MAP3K20: variants seen among roughly 807,000 people sequenced by gnomAD.
The protein encoded by MAP3K20 is mitogen-activated protein kinase kinase kinase 20, also known as HCCS-4.
A neutral mutation model predicts 85.7 loss-of-function variants in MAP3K20; 40 were observed. That is an observed-to-expected ratio of 0.47 (90% CI 0.36 to 0.61). The LOEUF is 0.61. MAP3K20 is among the 20% of genes least tolerant of loss of function. MAP3K20 has a pLI of 0.00. For missense variants in MAP3K20, 817 were observed against 961.7 expected (o/e 0.85, Z 1.99); for synonymous variants, 325 against 327.7 (o/e 0.99, Z 0.09).
At chr2:173,108,584 A>T (rs757978427) in intron 2 of MAP3K20, among the ~76,000 whole-genome samples, 2 of 152,192 alleles carry the variant, frequency 1.3e-5, no homozygotes, top group African/African-American at 4.8e-5. Context: ...TTCCATGTAT[A>T]AGATTGGTAG....
chr2:173,137,929 C>G (rs1386075597), intron 2 of MAP3K20, among the ~76,000 whole-genome samples: 1 of 152,112 alleles, frequency 6.6e-6, no homozygotes, highest in Non-Finnish European at 1.5e-5. Context: ...AGGTAAGTAG[C>G]TTATTTGAAA....
At chr2:173,203,197 C>G (rs1045477555) in intron 8 of MAP3K20, among the ~76,000 whole-genome samples, 56 of 152,118 alleles carry the variant, frequency 3.7e-4, no homozygotes, top group African/African-American at 1.3e-3. Flanking sequence ...TGAGAAGCAC[C>G]ACTGTAGGAT....
At chr2:173,089,617 C>T (rs1359469486) in intron 1 of MAP3K20, among the ~76,000 whole-genome samples, 1 of 150,980 alleles carries the variant, frequency 6.6e-6, no homozygotes, top group Non-Finnish European at 1.5e-5. Context: ...GAGTCTCGCT[C>T]TGTTGCCCAG....
At chr2:173,241,081 C>T (rs1419968906) in intron 16 of MAP3K20, among the ~76,000 whole-genome samples, 1 of 152,112 alleles carries the variant, frequency 6.6e-6, no homozygotes, top group Non-Finnish European at 1.5e-5. Flanking sequence ...TTACCAGAGG[C>T]TTGGAAGCAT....
At chr2:173,119,727 T>C (rs754204155) in intron 2 of MAP3K20, among the ~76,000 whole-genome samples, 7 of 152,132 alleles carry the variant, frequency 4.6e-5, no homozygotes, top group African/African-American at 7.2e-5. Flanking sequence ...AATGAAACAG[T>C]TCTATTTTTT....
chr2:173,243,223 G>T (rs1485444312), intron 16 of MAP3K20, among the ~76,000 whole-genome samples: 1 of 152,148 alleles, frequency 6.6e-6, no homozygotes, highest in African/African-American at 2.4e-5. Context: ...ATGGTTCCAC[G>T]GGAGTTCACT....
rs951942153 is a variant in MAP3K20 at position 173,113,369 on chromosome 2, A to AT, written c.159+22188dup. 2.5e-4 allele frequency among the ~76,000 whole-genome samples: 38 copies of AT among 149,266 alleles called. No individual in the cohort carries two copies. In the East Asian group the frequency reaches 2.8e-3, roughly 11 times the overall value. On this transcript the variant is annotated intron_variant, in intron 2 of 19. Coordinates refer to ENST00000375213, the MANE Select transcript of MAP3K20 (RefSeq NM_016653.3). ...GCTTTTTGGTTCATTTATCTTTTGTATTTTTTTTTGTTTCAATTTCATTTG... is the reference window on the plus strand; with the variant it reads ...GCTTTTTGGTTCATTTATCTTTTGTATTTTTTTTTTGTTTCAATTTCATTTG...
intron 3 of MAP3K20, among the ~76,000 whole-genome samples, chr2:173,176,953 T>C (rs1318091821): frequency 6.6e-6 from 1 of 152,094 alleles, no homozygotes; most frequent in Non-Finnish European, 1.5e-5. Flanking sequence ...TTGAGATAAA[T>C]AGAACCATTT....
intron 2 of MAP3K20, among the ~76,000 whole-genome samples, chr2:173,164,541 C>G (rs1021832489): frequency 2.0e-5 from 3 of 152,194 alleles, no homozygotes; most frequent in African/African-American, 7.2e-5. Context: ...TGTGCACAAG[C>G]TCTTCAGTTT....
chr2:173,183,573 A>G (rs1388744451), intron 4 of MAP3K20, among the ~76,000 whole-genome samples: 1 of 152,176 alleles, frequency 6.6e-6, no homozygotes, highest in Admixed American at 6.5e-5. Flanking sequence ...TTTCTAAAGC[A>G]ATTCAAACTT....
chr2:173,263,158 C>T (rs17742906), intron 18 of MAP3K20, among the ~76,000 whole-genome samples: 13,988 of 152,118 alleles, frequency 0.092, 664 homozygotes, highest in South Asian at 0.15. Context: ...TGTGTCTTGA[C>T]CTAGTGTCCT....
intron 16 of MAP3K20, among the ~76,000 whole-genome samples, chr2:173,256,056 C>A (rs960112203): frequency 3.3e-5 from 5 of 152,250 alleles, no homozygotes; most frequent in African/African-American, 9.6e-5. Context: ...CTTCACTAAT[C>A]GGCTTTCCGT....
chr2:173,244,683 G>A (rs890358293), intron 16 of MAP3K20, among the ~76,000 whole-genome samples: 4 of 152,142 alleles, frequency 2.6e-5, no homozygotes, highest in Non-Finnish European at 5.9e-5. Flanking sequence ...TTACTATCCT[G>A]TTCTGAATTA....
chr2:173,182,790 TAA>T, intron 3 of MAP3K20, 62 bp from the exon 4 acceptor site: 1 of 1,122,952 alleles, frequency 8.9e-7, no homozygotes. Context: ...AATGAAAATA[TAA>T]AGTCTTATTT....
rs1230234021 is a variant in MAP3K20, at chr2:173,182,924, C to T, written c.318C>T (p.His106=). The T allele has an allele frequency of 3.1e-6, 5 of 1,610,754 alleles. No homozygotes were observed. Among genetic ancestry groups the T allele is most frequent in the Non-Finnish European group, 4.2e-6 (5 of 1,178,602 alleles). ...GAAGTGAGGAGATGGATATGGATCACATTATGACCTGGGCCACTGATGTAG... is the reference window on the plus strand; with the variant it reads ...GAAGTGAGGAGATGGATATGGATCATATTATGACCTGGGCCACTGATGTAG... ...SNRSEEMDMD[H]IMTWATDVAK... is the part of the protein sequence containing the mutation. Residue 106 remains histidine (H), a synonymous_variant, in exon 4 of 20, where the codon CAC becomes CAT. Transcript: ENST00000375213.
At chr2:173,117,212 A>T (rs1210268809) in intron 2 of MAP3K20, among the ~76,000 whole-genome samples, 1 of 152,240 alleles carries the variant, frequency 6.6e-6, no homozygotes, top group Non-Finnish European at 1.5e-5. Context: ...GTTTAAGGTG[A>T]GTCTCTTAAG....
intron 9 of MAP3K20, among the ~76,000 whole-genome samples, chr2:173,205,162 T>G (rs534101762): frequency 7.7e-4 from 116 of 149,820 alleles, no homozygotes; most frequent in Non-Finnish European, 1.4e-3. Context: ...AGATTAAAGA[T>G]TAGAATAAGA....
chr2:173,159,056 GA>G (rs1457216317), intron 2 of MAP3K20, among the ~76,000 whole-genome samples: 1 of 152,182 alleles, frequency 6.6e-6, no homozygotes, highest in African/African-American at 2.4e-5. Context: ...TTGTAGGAAG[GA>G]AAAAAGGCCC....
rs552914011 is a variant in MAP3K20, at chr2:173,238,195, C to A, written c.1204-178C>A. Among the ~76,000 whole-genome samples the A allele has an allele frequency of 1.9e-4, 29 of 152,286 alleles. No individual in the cohort carries two copies. The East Asian group carries it at 5.6e-3, about 29-fold the overall frequency. ...AAATTTCTGGTCCTTTAAATAATTA[C>A]AAACCACCTACACTGCTTTGGACAA... is the stretch of plus-strand genomic sequence containing the variant. On this transcript the variant is annotated intron_variant, in intron 14 of 19. Coordinates refer to ENST00000375213, the MANE Select transcript of MAP3K20 (RefSeq NM_016653.3).
Sources: gnomAD v4.1 joint callset for allele counts (sites outside exome capture counted in the v4.1 genomes callset) on GRCh38, gnomAD v4.1.1 for gene constraint, MANE v1.5 for transcripts, NCBI Gene and HGNC (gene_info 2026-07-23, HGNC 2026-07-21) for gene names.